NFILZ: variants seen among roughly 807,000 people sequenced by gnomAD.
NFILZ encodes the protein NFIL3 like protein.
intron 3 of NFILZ, among the ~76,000 whole-genome samples, chr19:8,668,206 C>T (rs373922036): frequency 1.3e-5 from 2 of 152,262 alleles, no homozygotes; most frequent in East Asian, 3.9e-4. Context: ...CTGCCTTGGC[C>T]TCCCAAAGTG....
chr19:8,637,922 A>AAAAAAAG (rs2042902094), intron 3 of NFILZ, among the ~76,000 whole-genome samples: 1 of 149,128 alleles, frequency 6.7e-6, no homozygotes, highest in Non-Finnish European at 1.5e-5. Context: ...CAAAAAAAAA[A>AAAAAAAG]AAAAAAAAAA....
At chr19:8,663,775 T>TGTGTATGTGTGTGTGTGTGTGTGTGTGC in intron 3 of NFILZ, among the ~76,000 whole-genome samples, 1 of 150,892 alleles carries the variant, frequency 6.6e-6, no homozygotes, top group Non-Finnish European at 1.5e-5. Flanking sequence ...TGTGTGTATG[T>TGTGTATGTGTGTGTGTGTGTGTGTGTGC]ATGTGTGTTT....
At position 8,656,349 on chromosome 19, in the gene NFILZ, C is replaced by CT. The variant is rs1395418993; in HGVS notation, c.-163-18201dup. On this transcript the variant is annotated intron_variant, in intron 3 of 5. Coordinates refer to ENST00000691075, the MANE Select transcript of NFILZ (RefSeq NM_001378600.1). ...AAGCCCCCTTCTTCCTGAAGCCCAC[C>CT]TCTTCCCTGAAGCCCACCTTCTCCC... 4.6e-4 allele frequency among the ~76,000 whole-genome samples: 67 copies of CT among 146,924 alleles called. 2 individuals are homozygous for CT. Among genetic ancestry groups the CT allele is most frequent in the Middle Eastern group, 3.6e-3 (1 of 278 alleles).
intron 3 of NFILZ, among the ~76,000 whole-genome samples, chr19:8,656,496 C>CTG (rs1489032494): frequency 7.0e-5 from 7 of 99,888 alleles, no homozygotes; most frequent in Admixed American, 9.7e-5. Flanking sequence ...CCACCTTCTC[C>CTG]CGCAGCCCAC....
At chr19:8,665,584 T>C (rs1211797678) in intron 3 of NFILZ, among the ~76,000 whole-genome samples, 1 of 152,098 alleles carries the variant, frequency 6.6e-6, no homozygotes, top group Admixed American at 6.5e-5. Flanking sequence ...CAAGTGATCC[T>C]CTCACCTCAG....
intron 3 of NFILZ, among the ~76,000 whole-genome samples, chr19:8,637,535 C>T (rs1555746224): frequency 6.6e-6 from 1 of 150,652 alleles, no homozygotes; most frequent in African/African-American, 2.4e-5. Flanking sequence ...ATAGCTTGAA[C>T]TGGGGAGGTG....
rs2042972446 is a variant in NFILZ at position 8,652,981 on chromosome 19, TTCCTTC to T, written c.-164+17236_-164+17241del. Among the ~76,000 whole-genome samples, 185 of 88,012 alleles carry T rather than the reference TTCCTTC, an allele frequency of 2.1e-3. 7 individuals are homozygous for T. The highest frequency in any genetic ancestry group is 0.012 in the East Asian group (28 of 2,272). The allele number at this position is 88,012 out of a possible 152,430, so 57.7% of individuals were successfully genotyped here. A position where few individuals can be genotyped will look rare whatever the true frequency, so the allele number is the denominator to read the frequency against. On this transcript the variant is annotated intron_variant, in intron 3 of 5. Transcript: ENST00000691075. ...TTCCCTTCCTTCCCTCCTTCCTTCC[TTCCTTC>T]CTTCCTTCCTTCCTTCCTTCCTTCC... is the stretch of plus-strand genomic sequence containing the variant.
rs146156239 is a variant in NFILZ, at chr19:8,634,024, G to T, written c.-261+1399G>T. 4.1e-3 allele frequency among the ~76,000 whole-genome samples: 595 copies of T among 144,690 alleles called. 7 individuals carry two copies. Among genetic ancestry groups the T allele is most frequent in the African/African-American group, 0.014 (551 of 39,048 alleles). The allele number at this position is 144,690 out of a possible 152,430, so 94.9% of individuals were successfully genotyped here. ...TGTTTCCTTTTTTTTTTGAGATAGA[G>T]TCTTGCTCTGTCACCCAGGCTGCAG... On this transcript the variant is annotated intron_variant, in intron 2 of 5. Transcript: ENST00000691075.
At chr19:8,667,106 C>G (rs1184550048) in intron 3 of NFILZ, among the ~76,000 whole-genome samples, 1 of 151,996 alleles carries the variant, frequency 6.6e-6, no homozygotes, top group African/African-American at 2.4e-5. Context: ...GATGGAAGCC[C>G]CATTCCTTAT....
At chr19:8,660,101 G>A (rs558697290) in intron 3 of NFILZ, among the ~76,000 whole-genome samples, 47 of 152,288 alleles carry the variant, frequency 3.1e-4, no homozygotes, top group African/African-American at 1.1e-3. Context: ...CCTGCTCACA[G>A]TTCAGGCCAC....
intron 3 of NFILZ, among the ~76,000 whole-genome samples, chr19:8,658,457 G>A (rs1389347518): frequency 1.3e-5 from 2 of 152,148 alleles, no homozygotes; most frequent in Non-Finnish European, 2.9e-5. Context: ...CACTTCCCAA[G>A]TGAGGATAAC....
rs2043132707 is a variant in NFILZ, at chr19:8,679,101, G to A, written c.*1466G>A. On this transcript the variant is annotated 3_prime_UTR_variant, in exon 6 of 6. Coordinates refer to ENST00000691075, the MANE Select transcript of NFILZ (RefSeq NM_001378600.1). ...GCTGCTGGAACAGGAGCAGCTGTGT[G>A]AGGGCATCAGTGTCCTCTCTCTCCC... Among the ~76,000 whole-genome samples, 1 of 152,016 alleles carries A rather than the reference G, an allele frequency of 6.6e-6. No homozygotes were observed. Among genetic ancestry groups the A allele is most frequent in the African/African-American group, 2.4e-5 (1 of 41,366 alleles).
chr19:8,644,937 G>C (rs1259054875), intron 3 of NFILZ, among the ~76,000 whole-genome samples: 1 of 151,744 alleles, frequency 6.6e-6, no homozygotes, highest in African/African-American at 2.4e-5. Context: ...GGATAATTTT[G>C]TATTTTTAGT....
intron 4 of NFILZ, among the ~76,000 whole-genome samples, 187 bp downstream of exon 4, chr19:8,674,787 C>T (rs143281439): frequency 6.6e-6 from 1 of 152,042 alleles, no homozygotes. Flanking sequence ...TGAATTATGT[C>T]ACATAACCAT....
intron 3 of NFILZ, among the ~76,000 whole-genome samples, chr19:8,659,653 T>C (rs2043020771): frequency 6.6e-6 from 1 of 152,126 alleles, no homozygotes; most frequent in Non-Finnish European, 1.5e-5. Flanking sequence ...CTCCAGCAGA[T>C]AGTGTCTGTG....
In NFILZ at chr19:8,679,805, C is replaced by A. The variant is rs570504460; in HGVS notation, c.*2170C>A. ...CTATAAATGTTTACCTATAAATGAG[C>A]CCATTCCCTAGAAATATATTGTGAA... On this transcript the variant is annotated 3_prime_UTR_variant, in exon 6 of 6. Coordinates refer to ENST00000691075, the MANE Select transcript of NFILZ (RefSeq NM_001378600.1). 1.1e-4 allele frequency among the ~76,000 whole-genome samples: 16 copies of A among 152,130 alleles called. No homozygotes were observed. The highest frequency in any genetic ancestry group is 1.9e-4 in the Non-Finnish European group (13 of 68,032).
intron 3 of NFILZ, among the ~76,000 whole-genome samples, chr19:8,667,689 A>G (rs2043068547): frequency 6.6e-6 from 1 of 152,024 alleles, no homozygotes; most frequent in Non-Finnish European, 1.5e-5. Flanking sequence ...CTGGGATTAC[A>G]GGTGTCCACC....
chr19:8,633,647 C>T (rs2042880548), intron 2 of NFILZ, among the ~76,000 whole-genome samples: 1 of 152,056 alleles, frequency 6.6e-6, no homozygotes, highest in Non-Finnish European at 1.5e-5. Flanking sequence ...CTCCAGCCGC[C>T]CTGAGGATGG....
chr19:8,674,606 C>A lies in NFILZ; in HGVS notation c.-114+6C>A, dbSNP rs2043102798. Among the ~76,000 whole-genome samples, 1 of 151,248 alleles carries A rather than the reference C, an allele frequency of 6.6e-6. No homozygotes were observed. Among genetic ancestry groups the A allele is most frequent in the Non-Finnish European group, 1.5e-5 (1 of 67,954 alleles). ...ATTCTCCTATAAGGAATAAGGTATG[C>A]AATATTTCTCAAACATTTTTGTATT... On this transcript the variant is annotated splice_donor_region_variant and intron_variant, in intron 4 of 5. Transcript: ENST00000691075.
Sources: allele counts gnomAD v4.1 joint callset (sites outside exome capture counted in the v4.1 genomes callset), GRCh38; gene constraint gnomAD v4.1.1; transcripts MANE v1.5; gene names NCBI Gene and HGNC (gene_info 2026-07-23, HGNC 2026-07-21).